RASGRP4: variants seen among roughly 807,000 people sequenced by gnomAD.
RASGRP4 encodes the protein RAS guanyl releasing protein 4.
Under a neutral mutation model 84.4 loss-of-function variants are expected in RASGRP4, and 52 were observed. That is an observed-to-expected ratio of 0.62 (90% confidence interval 0.49 to 0.78). RASGRP4 has a LOEUF of 0.78. Among genes scored for constraint, RASGRP4 ranks in the 30% least tolerant of loss-of-function variants. RASGRP4 has a pLI of 0.00. For missense variants in RASGRP4, 760 were observed against 886.9 expected, an observed-to-expected ratio of 0.86 and a Z score of 1.82; for synonymous variants, 356 against 359.1, an observed-to-expected ratio of 0.99 and a Z score of 0.10.
chr19:38,419,622 T>C (rs1206017193), intron 6 of RASGRP4, among the ~76,000 whole-genome samples: 4 of 152,226 alleles, frequency 2.6e-5, no homozygotes, highest in East Asian at 1.9e-4. Flanking sequence ...TTAGTAGAGA[T>C]GGGGTTTCAC....
intron 16 of RASGRP4, 75 bp downstream of exon 16, chr19:38,410,811 A>G: frequency 9.2e-7 from 1 of 1,084,060 alleles, no homozygotes; most frequent in Non-Finnish European, 1.4e-6. Flanking sequence ...GGGTCTCCAA[A>G]TCTGTCCAGT....
chr19:38,417,822 AGCCAGGGAAGAC>A lies in RASGRP4; in HGVS notation c.837+557_837+568del, dbSNP rs1259049498. On this transcript the variant is annotated intron_variant, in intron 7 of 16. Coordinates refer to ENST00000615439, the MANE Select transcript of RASGRP4 (RefSeq NM_170604.3). This position sits in a 1 kb window ranked among gnomAD's most constrained non-coding sequence, Gnocchi z 5.1. The stretch of plus-strand genomic sequence containing the variant: ...CTCAGGGGCCCTGCAGGAGTAAGCA[AGCCAGGGAAGAC>A]ACCAGAGGAAGGGCGTGGTCTGCGT... 2.6e-5 allele frequency among the ~76,000 whole-genome samples: 4 copies of A among 152,192 alleles called. No homozygotes were observed. The highest frequency in any genetic ancestry group is 5.9e-5 in the Non-Finnish European group (4 of 68,028).
intron 16 of RASGRP4, 59 bp downstream of exon 16, chr19:38,410,827 C>G (rs1316152387): frequency 1.6e-6 from 2 of 1,252,996 alleles, no homozygotes; most frequent in East Asian, 5.1e-5. Flanking sequence ...CCAGTCTTCC[C>G]CACGCCAATG....
In RASGRP4 at chr19:38,412,596, G is replaced by C; in HGVS notation, c.1680+76C>G. Reference sequence around the variant, plus strand: ...AAGCTGGAGGATTTCTGGAATTTGGGGGTTATCTGGGGTTTGCGGACTGCC... The same window carrying C: ...AAGCTGGAGGATTTCTGGAATTTGGCGGTTATCTGGGGTTTGCGGACTGCC... On this transcript the variant is annotated intron_variant, in intron 13 of 16. Transcript: ENST00000615439. This position sits in a 1 kb window ranked among gnomAD's most constrained non-coding sequence, Gnocchi z 4.6. 2.2e-6 allele frequency: 3 copies of C among 1,389,748 alleles called. No individual in the cohort carries two copies. The highest frequency in any genetic ancestry group is 2.9e-6 in the Non-Finnish European group (3 of 1,017,166). 86.1% of individuals were successfully genotyped at this position (1,389,748 alleles called of 1,614,324 possible).
Position 38,422,131 on chromosome 19 carries a change from C to G in RASGRP4, c.46G>C (p.Gly16Arg), listed in dbSNP as rs750881682. The stretch of plus-strand genomic sequence containing the variant: ...GGCCGGCCTCGCCCTCCTATTTTTC[C>G]GGTGCATTCCTGGTGGGACTTCCTG... The part of the protein sequence containing the change: ...SKRKSHQECT[G>R]KIGGRGRPRQ... Residue 16 changes from glycine (G) to arginine (R), a missense_variant, in exon 2 of 17, where the codon GGA becomes CGA. Physicochemically the swap from Gly to Arg is moderately radical, Grantham distance 125. Transcript: ENST00000615439. 1 of 1,610,928 alleles carries G rather than the reference C, an allele frequency of 6.2e-7. No homozygotes were observed. Among genetic ancestry groups the G allele is most frequent in the African/African-American group, 1.3e-5 (1 of 74,882 alleles).
At chr19:38,414,168 G>A (rs1048160299) in intron 9 of RASGRP4, among the ~76,000 whole-genome samples, 8 of 152,174 alleles carry the variant, frequency 5.3e-5, no homozygotes, top group African/African-American at 9.6e-5. Context: ...CAGGCAATCC[G>A]CCTACCTCAG....
intron 15 of RASGRP4, 29 bp downstream of exon 15, chr19:38,411,086 T>G: frequency 1.2e-6 from 2 of 1,609,984 alleles, no homozygotes; most frequent in Non-Finnish European, 1.7e-6. Flanking sequence ...CCAGGCCCCT[T>G]CCCAGCACCG....
In RASGRP4 at chr19:38,417,340, G is replaced by C. The variant is rs150173466; in HGVS notation, c.838-172C>G. Among the ~76,000 whole-genome samples, 6 of 152,260 alleles carry C rather than the reference G, an allele frequency of 3.9e-5. No individual in the cohort carries two copies. Among genetic ancestry groups the C allele is most frequent in the Middle Eastern group, 3.4e-3 (1 of 294 alleles). On this transcript the variant is annotated intron_variant, in intron 7 of 16. Transcript: ENST00000615439. This position sits in a 1 kb window ranked among gnomAD's most constrained non-coding sequence, Gnocchi z 5.1. ...GCAAGAGTGGGACATGCCATGTGTG[G>C]GCCTCACAGGGGTGTCAGATGGCTA...
rs969703178 is a variant in RASGRP4 at position 38,417,026 on chromosome 19, G to A, written c.954+26C>T. ...GGCTCAAGACAGCTGACCACTTGGA[G>A]CTTTGGGGAGGGTAGTGGGATTCAC... On this transcript the variant is annotated intron_variant, in intron 8 of 16. Coordinates refer to ENST00000615439, the MANE Select transcript of RASGRP4 (RefSeq NM_170604.3). The surrounding 1 kb of genome is among the most constrained non-coding windows in gnomAD (Gnocchi z 5.1). 3.3e-5 allele frequency: 45 copies of A among 1,371,514 alleles called. 1 individual carries two copies. The Admixed American group carries it at 3.3e-4, about 10-fold the overall frequency. 85.0% of individuals were successfully genotyped at this position (1,371,514 alleles called of 1,614,324 possible).
At position 38,410,996 on chromosome 19, in the gene RASGRP4, A is replaced by T. The variant is rs1242764418; in HGVS notation, c.1855T>A (p.Ser619Thr). The change falls in exon 16 of 17, where the codon TCC (serine) becomes ACC (threonine). Residue 619 changes from serine to threonine, a missense_variant and splice_region_variant. By Grantham distance (58) the Ser-to-Thr change is moderately conservative (BLOSUM62 1). Coordinates refer to ENST00000615439, the MANE Select transcript of RASGRP4 (RefSeq NM_170604.3). The part of the protein sequence containing the change: ...STPAPHASCG[S>T]EENHSYTLSL... ...AGCGTGTAGGAGTGATTTTCCTCGGAGCCTGTTTGTGGGTGGATGGAAGGG... is the reference window on the plus strand; with the variant it reads ...AGCGTGTAGGAGTGATTTTCCTCGGTGCCTGTTTGTGGGTGGATGGAAGGG... The T allele has an allele frequency of 1.2e-6, 2 of 1,604,402 alleles. No individual in the cohort carries two copies. The highest frequency in any genetic ancestry group is 1.7e-6 in the Non-Finnish European group (2 of 1,175,624).
In RASGRP4 at chr19:38,411,165, C is replaced by T. The variant is rs765811092; in HGVS notation, c.1802G>A (p.Gly601Glu). Residue 601 changes from glycine (G) to glutamate (E), a missense_variant, in exon 15 of 17, where the codon GGA (glycine) becomes GAA (glutamate). Physicochemically the swap from Gly to Glu is moderately conservative, Grantham distance 98 (BLOSUM62 -2). Transcript: ENST00000615439. The stretch of plus-strand genomic sequence containing the variant: ...GGATGGGACAGGAGCTCCGGGGGGT[C>T]CTGCATCGCCCTTGGCCCCTGGCCT... ...KKRPGAKGDA[G>E]PPGAPVPSTP... 17 of 1,613,912 alleles carry T rather than the reference C, an allele frequency of 1.1e-5. No individual in the cohort carries two copies. The highest frequency in any genetic ancestry group is 1.4e-5 in the Non-Finnish European group (16 of 1,179,888).
In RASGRP4 at chr19:38,417,138, G is replaced by A. The variant is rs1163032409; in HGVS notation, c.868C>T (p.Leu290=). The A allele has an allele frequency of 7.0e-6, 11 of 1,562,420 alleles. No homozygotes were observed. The highest frequency in any genetic ancestry group is 1.2e-5 in the South Asian group (1 of 84,696). The change falls in exon 8 of 17, where the codon CTG becomes TTG. Residue 290 remains leucine (L), a synonymous_variant. Coordinates refer to ENST00000615439, the MANE Select transcript of RASGRP4 (RefSeq NM_170604.3). The surrounding 1 kb of genome is among the most constrained non-coding windows in gnomAD (Gnocchi z 5.1). Reference sequence around the variant, plus strand: ...CACAGGCCCCCTGTGACTGCCATCAGCGTGTTGAAATTCTGCAGCTGGTGG... The same window carrying A: ...CACAGGCCCCCTGTGACTGCCATCAACGTGTTGAAATTCTGCAGCTGGTGG... ...RLHQLQNFNT[L]MAVTGGLCHS...
intron 2 of RASGRP4, 54 bp from the exon 3 acceptor site, chr19:38,421,254 G>A (rs951616112): frequency 7.7e-6 from 10 of 1,291,076 alleles, no homozygotes; most frequent in African/African-American, 5.8e-5. Context: ...GCAATGCAGA[G>A]CGTAGCTCCA....
At chr19:38,410,162 G>A (rs772395265) in intron 16 of RASGRP4, 66 bp from the exon 17 acceptor site, 64 of 1,309,394 alleles carry the variant, frequency 4.9e-5, no homozygotes, top group South Asian at 6.3e-5. Flanking sequence ...TCTAGGAGAC[G>A]CTTCACTGCC....
rs958051594 is a variant in RASGRP4, at chr19:38,417,666, G to A, written c.838-498C>T. Among the ~76,000 whole-genome samples, 6 of 152,158 alleles carry A rather than the reference G, an allele frequency of 3.9e-5. No homozygotes were observed. Among genetic ancestry groups the A allele is most frequent in the African/African-American group, 1.4e-4 (6 of 41,428 alleles). On this transcript the variant is annotated intron_variant, in intron 7 of 16. Transcript: ENST00000615439. The surrounding 1 kb of genome is among the most constrained non-coding windows in gnomAD (Gnocchi z 5.1). ...GCTAGACAGGTGTGGGGCCACCAGG[G>A]CAGCTGGGGAATTCCCTTGCCCTCC...
In RASGRP4 at chr19:38,410,884, A is replaced by C; in HGVS notation, c.1965+2T>G. On this transcript the variant is annotated splice_donor_variant, in intron 16 of 16. Transcript: ENST00000615439. LOFTEE classifies it high-confidence loss of function. ...TTGGGGGTAGGGGCGGTTTCTCCTC[A>C]CCGTATCTGTTTCCCAGGAAGGGTG... 1 of 1,586,128 alleles carries C rather than the reference A, an allele frequency of 6.3e-7. No individual in the cohort carries two copies. Among genetic ancestry groups the C allele is most frequent in the Non-Finnish European group, 8.6e-7 (1 of 1,165,776 alleles).
In RASGRP4 at chr19:38,413,359, A is replaced by G; in HGVS notation, c.1311+35T>C. 6.3e-7 allele frequency: 1 copy of G among 1,598,858 alleles called. No homozygotes were observed. Among genetic ancestry groups the G allele is most frequent in the Non-Finnish European group, 8.6e-7 (1 of 1,168,292 alleles). On this transcript the variant is annotated intron_variant, in intron 10 of 16. Coordinates refer to ENST00000615439, the MANE Select transcript of RASGRP4 (RefSeq NM_170604.3). This position sits in a 1 kb window ranked among gnomAD's most constrained non-coding sequence, Gnocchi z 4.7. ...ATAGGCTTAGGGGGGGTTCGAGGTAATTGGGGGAGTCCGAGGCCAGGGGTT... is the reference window on the plus strand; with the variant it reads ...ATAGGCTTAGGGGGGGTTCGAGGTAGTTGGGGGAGTCCGAGGCCAGGGGTT...
chr19:38,413,478 G>A lies in RASGRP4; in HGVS notation c.1231-4C>T, dbSNP rs1352295667. The stretch of plus-strand genomic sequence containing the variant: ...TGTAGAAGAGGTCCAGGGAGAGCTG[G>A]AGCAGACAGGGGTGTTACGGATCCT... On this transcript the variant is annotated splice_polypyrimidine_tract_variant and splice_region_variant and intron_variant, in intron 9 of 16. Coordinates refer to ENST00000615439, the MANE Select transcript of RASGRP4 (RefSeq NM_170604.3). This position sits in a 1 kb window ranked among gnomAD's most constrained non-coding sequence, Gnocchi z 4.7. 71 of 1,589,698 alleles carry A rather than the reference G, an allele frequency of 4.5e-5. No homozygotes were observed. Among genetic ancestry groups the A allele is most frequent in the Non-Finnish European group, 6.0e-5 (70 of 1,167,906 alleles).
chr19:38,421,041 TCTCACGACTCTGCCCTCTGCCCTCCAC>T, intron 3 of RASGRP4, 27 bp downstream of exon 3: 1 of 1,605,652 alleles, frequency 6.2e-7, no homozygotes, highest in Non-Finnish European at 8.5e-7. Flanking sequence ...TTGCCCAGGT[TCTCACGACTCTGCCCTCTGCCCTCCAC>T]CCATAGCTCA....
Sources: allele counts gnomAD v4.1 joint callset (sites outside exome capture counted in the v4.1 genomes callset), GRCh38; gene constraint gnomAD v4.1.1; non-coding constraint Gnocchi (gnomAD v3.1); transcripts MANE v1.5; gene names NCBI Gene and HGNC (gene_info 2026-07-23, HGNC 2026-07-21).